The following VPS13B variants were observed in gnomAD, a reference collection of about 807,000 sequenced individuals.
The protein encoded by VPS13B is vacuolar protein sorting 13 homolog B.
A neutral mutation model predicts 426.4 loss-of-function variants in VPS13B; 285 were observed. That is an observed-to-expected ratio of 0.67 (90% CI 0.61 to 0.74). VPS13B has a LOEUF of 0.74. Among genes scored for constraint, VPS13B ranks in the 30% least tolerant of loss-of-function variants. The pLI is 0.00. For missense variants in VPS13B, 4,537 were observed against 4,782.6 expected, an observed-to-expected ratio of 0.95 and a Z score of 1.51; for synonymous variants, 1,676 against 1,676.4, an observed-to-expected ratio of 1.00 and a Z score of 0.01.
intron 17 of VPS13B, among the ~76,000 whole-genome samples, chr8:99,206,588 C>G (rs571506477): frequency 9.9e-4 from 150 of 152,252 alleles, no homozygotes; most frequent in South Asian, 3.9e-3. Context: ...AAATAGGTCT[C>G]TTGTGGAGTG....
chr8:99,655,331 CA>C (rs1294191569), intron 34 of VPS13B, among the ~76,000 whole-genome samples: 2 of 152,162 alleles, frequency 1.3e-5, no homozygotes, highest in African/African-American at 4.8e-5. Flanking sequence ...AGCCAAGTGT[CA>C]TAAAAATCTG....
At chr8:99,294,090 C>G (rs1381122390) in intron 19 of VPS13B, among the ~76,000 whole-genome samples, 7 of 95,544 alleles carry the variant, frequency 7.3e-5, no homozygotes, top group African/African-American at 1.3e-4. Context: ...CACATGCACA[C>G]ATATGTTTAT....
intron 51 of VPS13B, among the ~76,000 whole-genome samples, chr8:99,829,402 T>TGTATG (rs1457911150): frequency 6.6e-6 from 1 of 152,234 alleles, no homozygotes; most frequent in African/African-American, 2.4e-5. Context: ...TTGATACTTG[T>TGTATG]GTATGCTTCT....
At chr8:99,559,687 T>A (rs1824791360) in intron 31 of VPS13B, among the ~76,000 whole-genome samples, 1 of 152,224 alleles carries the variant, frequency 6.6e-6, no homozygotes, top group African/African-American at 2.4e-5. Context: ...TGCTTGTTTT[T>A]GTCAGGTTTG....
intron 19 of VPS13B, among the ~76,000 whole-genome samples, chr8:99,316,010 G>A (rs556251335): frequency 4.1e-4 from 62 of 152,310 alleles, no homozygotes; most frequent in African/African-American, 1.4e-3. Flanking sequence ...GTTGGGTTAG[G>A]GAACTTTGGT....
chr8:99,532,550 C>T (rs1009185961), intron 30 of VPS13B, among the ~76,000 whole-genome samples: 1 of 151,972 alleles, frequency 6.6e-6, no homozygotes, highest in Non-Finnish European at 1.5e-5. Context: ...TAAAATTCTT[C>T]CAGAAGTATA....
At chr8:99,065,164 G>C (rs1450723994) in intron 3 of VPS13B, among the ~76,000 whole-genome samples, 1 of 152,158 alleles carries the variant, frequency 6.6e-6, no homozygotes. Flanking sequence ...ATGCCAAATT[G>C]TAAAGACCAT....
intron 19 of VPS13B, among the ~76,000 whole-genome samples, chr8:99,336,317 G>A (rs370836932): frequency 6.6e-6 from 1 of 152,076 alleles, no homozygotes; most frequent in Non-Finnish European, 1.5e-5. Flanking sequence ...CCATATGTAG[G>A]AAGCTGAAAC....
At chr8:99,176,005 A>G (rs1812607507) in intron 16 of VPS13B, among the ~76,000 whole-genome samples, 1 of 152,174 alleles carries the variant, frequency 6.6e-6, no homozygotes, top group South Asian at 2.1e-4. Flanking sequence ...TGTGATGGTA[A>G]GCATCTCCAT....
chr8:99,834,473 G>GA (rs983754770), intron 52 of VPS13B, among the ~76,000 whole-genome samples: 7 of 151,310 alleles, frequency 4.6e-5, no homozygotes, highest in African/African-American at 7.3e-5. Context: ...CCTACCTCTA[G>GA]AAAAAAAAGA....
rs200229383 is a variant in VPS13B, at chr8:99,501,778, G to A, written c.3962G>A (p.Arg1321His). 3.7e-5 allele frequency: 60 copies of A among 1,613,984 alleles called. No individual in the cohort carries two copies. The highest frequency in any genetic ancestry group is 4.6e-5 in the Non-Finnish European group (54 of 1,180,028). ...TTSNIGGTSG[R>H]VSLWMQWVLP... ...AGTAATATTGGAGGAACCAGTGGACGTGTTAGTTTATGGATGCAGTGGGTG... is the reference window on the plus strand; with the variant it reads ...AGTAATATTGGAGGAACCAGTGGACATGTTAGTTTATGGATGCAGTGGGTG... The change falls in exon 26 of 62, where the codon CGT becomes CAT. Residue 1321 changes from arginine to histidine, a missense_variant. Around this residue, in one of 2 missense-constraint regions of VPS13B, gnomAD observed 4,311 missense variants for 4,474.3 expected, o/e 0.96. Transcript: ENST00000357162.
intron 33 of VPS13B, among the ~76,000 whole-genome samples, chr8:99,602,982 C>A (rs1285608908): frequency 6.6e-6 from 1 of 152,152 alleles, no homozygotes; most frequent in East Asian, 1.9e-4. Flanking sequence ...TCAATGCTAT[C>A]CCCATCAAGC....
Position 99,481,722 on chromosome 8 carries a change from C to T in VPS13B, c.3790C>T (p.Pro1264Ser), listed in dbSNP as rs527263178. Reference sequence around the variant, plus strand: ...CATGGCAGGGCCTGTTCCTACTTCTCCAGTTAGAAGCAGTATAGGCACAGC... The same window carrying T: ...CATGGCAGGGCCTGTTCCTACTTCTTCAGTTAGAAGCAGTATAGGCACAGC... ...ETMAGPVPTS[P>S]VRSSIGTAPP... Residue 1264 changes from proline to serine, a missense_variant, in exon 25 of 62, where the codon CCA becomes TCA. This residue lies in a region of VPS13B where 4,311 missense variants were observed against 4,474.3 expected (regional missense o/e 0.96). Transcript: ENST00000357162. 3 of 1,614,008 alleles carry T rather than the reference C, an allele frequency of 1.9e-6. No homozygotes were observed. The highest frequency in any genetic ancestry group is 3.3e-5 in the Admixed American group (2 of 60,020).
intron 51 of VPS13B, among the ~76,000 whole-genome samples, chr8:99,825,334 G>GTTA (rs1814614428): frequency 6.6e-6 from 1 of 152,086 alleles, no homozygotes; most frequent in South Asian, 2.1e-4. Flanking sequence ...CAGTGATGAT[G>GTTA]AGTTTTTTTT....
intron 3 of VPS13B, among the ~76,000 whole-genome samples, chr8:99,087,233 T>A (rs200075308): frequency 6.6e-6 from 1 of 152,202 alleles, no homozygotes; most frequent in Admixed American, 6.5e-5. Flanking sequence ...AGCGAGGCTC[T>A]GTGGGCGTAG....
At chr8:99,620,691 G>A (rs992702049) in intron 33 of VPS13B, among the ~76,000 whole-genome samples, 1 of 152,058 alleles carries the variant, frequency 6.6e-6, no homozygotes. Flanking sequence ...CCATGTGTCA[G>A]CTGGGTACAG....
rs1210353554 is a variant in VPS13B at position 99,868,316 on chromosome 8, C to T, written c.11243C>T (p.Pro3748Leu). 25 of 1,614,068 alleles carry T rather than the reference C, an allele frequency of 1.5e-5. No homozygotes were observed. The highest frequency in any genetic ancestry group is 2.2e-5 in the South Asian group (2 of 91,056). The stretch of plus-strand genomic sequence containing the variant: ...GCAATTGCTGGTATAGTTGATCAGC[C>T]GATGCAGAACTTCCAGAAAACATCT... ...LGAIAGIVDQ[P>L]MQNFQKTSEA... The change falls in exon 59 of 62, where the codon CCG becomes CTG. Residue 3748 changes from proline to leucine, a missense_variant. Physicochemically the swap from Pro to Leu is moderately conservative, Grantham distance 98 (BLOSUM62 -3). Around this residue, in one of 2 missense-constraint regions of VPS13B, gnomAD observed 4,311 missense variants for 4,474.3 expected, o/e 0.96. Coordinates refer to ENST00000357162, the MANE Select transcript of VPS13B (RefSeq NM_152564.5).
intron 33 of VPS13B, among the ~76,000 whole-genome samples, chr8:99,578,406 C>T (rs1825874452): frequency 2.0e-5 from 3 of 152,250 alleles, no homozygotes; most frequent in Admixed American, 6.5e-5. Context: ...CAAGTCAGCA[C>T]TGTTTCCATT....
chr8:99,027,477 T>A (rs1013587023), intron 2 of VPS13B, among the ~76,000 whole-genome samples: 5 of 152,134 alleles, frequency 3.3e-5, no homozygotes, highest in African/African-American at 1.2e-4. Flanking sequence ...TTCATGATGG[T>A]AGTTATAGTC....
Sources: allele counts gnomAD v4.1 joint callset (sites outside exome capture counted in the v4.1 genomes callset), GRCh38; gene constraint gnomAD v4.1.1; regional missense constraint gnomAD v4.1.1; transcripts MANE v1.5; gene names NCBI Gene and HGNC (gene_info 2026-07-23, HGNC 2026-07-21).